PCCB: variants seen among roughly 807,000 people sequenced by gnomAD.
PCCB encodes the protein propionyl-CoA carboxylase beta chain, mitochondrial.
In PCCB, 43 loss-of-function variants were observed where a neutral mutation model predicts 60.7. That is an observed-to-expected ratio of 0.71 (90% CI 0.55 to 0.91). The LOEUF is 0.91. Ranked by LOEUF, PCCB falls within the 40% of genes least tolerant of loss-of-function variation. The probability of loss-of-function intolerance (pLI) is 0.00; values close to 1 mark genes in which losing one functional copy is unlikely to be tolerated. For missense variants in PCCB, 766 were observed against 702.8 expected (o/e 1.09, Z -1.02); for synonymous variants, 276 against 255.9 (o/e 1.08, Z -0.75).
intron 5 of PCCB, among the ~76,000 whole-genome samples, chr3:136,272,224 T>G (rs777704787): frequency 1.3e-5 from 2 of 152,178 alleles, no homozygotes; most frequent in Non-Finnish European, 2.9e-5. Context: ...TTGATCATGT[T>G]GTATTATCTT....
At chr3:136,317,193 A>G in intron 10 of PCCB, 129 bp downstream of exon 10, 1 of 658,350 alleles carries the variant, frequency 1.5e-6, no homozygotes. Context: ...AAAAATCTAA[A>G]TGGTTGTTAT....
At chr3:136,296,958 AGAG>A (rs1933967891) in intron 7 of PCCB, among the ~76,000 whole-genome samples, 1 of 152,230 alleles carries the variant, frequency 6.6e-6, no homozygotes, top group Non-Finnish European at 1.5e-5. Flanking sequence ...ATATTCTAGT[AGAG>A]GAGATAGACA....
At chr3:136,263,174 C>T (rs938901498) in intron 5 of PCCB, among the ~76,000 whole-genome samples, 2 of 150,892 alleles carry the variant, frequency 1.3e-5, no homozygotes, top group East Asian at 1.9e-4. Context: ...AGGTTGGTCT[C>T]GAACTCCTGA....
chr3:136,265,809 T>C (rs1941967147), intron 5 of PCCB, among the ~76,000 whole-genome samples: 1 of 151,894 alleles, frequency 6.6e-6, no homozygotes, highest in South Asian at 2.1e-4. Context: ...TGTTGATACT[T>C]GGTATTGTCA....
At chr3:136,307,583 C>T (rs1934488857) in intron 9 of PCCB, among the ~76,000 whole-genome samples, 1 of 151,732 alleles carries the variant, frequency 6.6e-6, no homozygotes. Flanking sequence ...TTTAATACTA[C>T]TCACATAAAC....
intron 5 of PCCB, among the ~76,000 whole-genome samples, chr3:136,274,256 G>A (rs1371827427): frequency 6.7e-6 from 1 of 150,204 alleles, no homozygotes; most frequent in Non-Finnish European, 1.5e-5. Context: ...GTTTTATTTT[G>A]GTGCATATTG....
At chr3:136,264,874 CAAAA>C (rs1167305370) in intron 5 of PCCB, among the ~76,000 whole-genome samples, 6 of 76,620 alleles carry the variant, frequency 7.8e-5, no homozygotes, top group African/African-American at 1.8e-4. Flanking sequence ...GACTCCGTCT[CAAAA>C]AAAAAAAAAA....
At chr3:136,324,146 C>T (rs987203952) in intron 10 of PCCB, among the ~76,000 whole-genome samples, 1 of 152,056 alleles carries the variant, frequency 6.6e-6, no homozygotes, top group Non-Finnish European at 1.5e-5. Context: ...GGGTCTTGCT[C>T]TGTTGCCTGG....
At chr3:136,254,072 A>G (rs1380438743) in intron 1 of PCCB, among the ~76,000 whole-genome samples, 5 of 152,058 alleles carry the variant, frequency 3.3e-5, no homozygotes, top group African/African-American at 1.2e-4. Context: ...ACACAACCTC[A>G]CCAGCTTTGG....
intron 2 of PCCB, 28 bp downstream of exon 2, chr3:136,256,003 C>G: frequency 6.2e-7 from 1 of 1,614,046 alleles, no homozygotes; most frequent in Non-Finnish European, 8.5e-7. Context: ...GGTGTGAACA[C>G]TTTTTAGGTG....
intron 7 of PCCB, among the ~76,000 whole-genome samples, chr3:136,295,638 A>G (rs1041012033): frequency 1.3e-5 from 2 of 152,212 alleles, no homozygotes; most frequent in African/African-American, 2.4e-5. Context: ...ATTTTTCCCC[A>G]TTTTAATAGC....
chr3:136,253,804 G>GTTATT (rs1015835150), intron 1 of PCCB, among the ~76,000 whole-genome samples: 5 of 151,118 alleles, frequency 3.3e-5, no homozygotes, highest in East Asian at 3.9e-4. Flanking sequence ...TACCCTGCTA[G>GTTATT]TTATTTTATT....
intron 7 of PCCB, among the ~76,000 whole-genome samples, chr3:136,295,649 A>T (rs761047853): frequency 6.6e-6 from 1 of 152,242 alleles, no homozygotes; most frequent in Non-Finnish European, 1.5e-5. Flanking sequence ...TTTTAATAGC[A>T]TTATATGTTT....
chr3:136,326,117 T>G (rs1467227189), intron 10 of PCCB, among the ~76,000 whole-genome samples: 1 of 152,194 alleles, frequency 6.6e-6, no homozygotes, highest in African/African-American at 2.4e-5. Flanking sequence ...TGGCCTACTG[T>G]TTTTGTATAT....
At chr3:136,291,993 C>A (rs547903778) in intron 6 of PCCB, among the ~76,000 whole-genome samples, 1 of 152,218 alleles carries the variant, frequency 6.6e-6, no homozygotes, top group African/African-American at 2.4e-5. Context: ...CTACATCAGC[C>A]CTGGCTCTGG....
At chr3:136,282,130 C>T (rs1206313842) in intron 5 of PCCB, among the ~76,000 whole-genome samples, 4 of 152,130 alleles carry the variant, frequency 2.6e-5, no homozygotes, top group Admixed American at 1.3e-4. Context: ...GTTCTAATTT[C>T]CCAATCTGGC....
At position 136,250,367 on chromosome 3, in the gene PCCB, A is replaced by G. The variant is rs1045974346; in HGVS notation, c.-9A>G. On this transcript the variant is annotated 5_prime_UTR_variant, in exon 1 of 15. Coordinates refer to ENST00000251654, the MANE Select transcript of PCCB (RefSeq NM_000532.5). ...GTGCGCCGGTAGGGGACGCGCCGGC[A>G]CAGCAAAAATGGCGGCGGCATTACG... 13 of 1,517,708 alleles carry G rather than the reference A, an allele frequency of 8.6e-6. No individual in the cohort carries two copies. In the African/African-American group the frequency reaches 9.7e-5, roughly 11 times the overall value. The allele number at this position is 1,517,708 out of a possible 1,614,324, so 94.0% of individuals were successfully genotyped here.
At chr3:136,262,788 T>C (rs146654542) in intron 5 of PCCB, among the ~76,000 whole-genome samples, 5 of 152,304 alleles carry the variant, frequency 3.3e-5, no homozygotes, top group Non-Finnish European at 7.4e-5. Context: ...TCTGCAGGCT[T>C]ACTTCTGTGG....
chr3:136,311,659 CT>C (rs1312740926), intron 9 of PCCB, among the ~76,000 whole-genome samples: 1 of 151,980 alleles, frequency 6.6e-6, no homozygotes, highest in African/African-American at 2.4e-5. Flanking sequence ...CTTAAAAACA[CT>C]TTTGAAAATC....
Sources: allele counts gnomAD v4.1 joint callset (sites outside exome capture counted in the v4.1 genomes callset), GRCh38; gene constraint gnomAD v4.1.1; transcripts MANE v1.5; gene names NCBI Gene and HGNC (gene_info 2026-07-23, HGNC 2026-07-21).